The following NIPSNAP1 variants were observed in gnomAD, a reference collection of about 807,000 sequenced individuals.
The protein encoded by NIPSNAP1 is nipsnap homolog 1.
A neutral mutation model predicts 49.2 loss-of-function variants in NIPSNAP1; 25 were observed. The ratio of observed to expected loss-of-function variants is 0.51; its 90% confidence interval spans 0.37 to 0.71. NIPSNAP1 has a LOEUF of 0.71. NIPSNAP1 is among the 30% of genes least tolerant of loss of function. NIPSNAP1 has a pLI of 0.00. For missense variants in NIPSNAP1, 294 were observed against 361.0 expected (o/e 0.81, Z 1.50); for synonymous variants, 143 against 140.7 (o/e 1.02, Z -0.12).
Position 29,555,839 on chromosome 22 carries a change from G to A in NIPSNAP1, c.*96C>T, listed in dbSNP as rs560915063. The stretch of plus-strand genomic sequence containing the variant: ...AGCACTGCCCCTCAGAGTCCTCCCA[G>A]AGCCAAGACAAAACCAAGACAGCAG... On this transcript the variant is annotated 3_prime_UTR_variant, in exon 10 of 10. Coordinates refer to ENST00000216121, the MANE Select transcript of NIPSNAP1 (RefSeq NM_003634.4). The A allele has an allele frequency of 1.9e-5, 22 of 1,160,614 alleles. No homozygotes were observed. The South Asian group carries it at 2.4e-4, about 13-fold the overall frequency. 71.9% of individuals were successfully genotyped at this position (1,160,614 alleles called of 1,614,324 possible).
Position 29,560,844 on chromosome 22 carries a change from T to C in NIPSNAP1, c.612-16A>G. The C allele has an allele frequency of 6.2e-7, 1 of 1,611,620 alleles. No individual in the cohort carries two copies. The highest frequency in any genetic ancestry group is 8.5e-7 in the Non-Finnish European group (1 of 1,178,000). ...GGCCCGAGCCCTGGAGAAGGCACAA[T>C]AATATGGGGCAGAAGCCAGGGCTGG... is the stretch of plus-strand genomic sequence containing the variant. On this transcript the variant is annotated splice_polypyrimidine_tract_variant and intron_variant, in intron 7 of 9. Coordinates refer to ENST00000216121, the MANE Select transcript of NIPSNAP1 (RefSeq NM_003634.4).
intron 1 of NIPSNAP1, among the ~76,000 whole-genome samples, chr22:29,578,858 C>T (rs1363484781): frequency 6.6e-6 from 1 of 151,022 alleles, no homozygotes. Context: ...TGGGTGTTTG[C>T]CACACAAATG....
At chr22:29,560,991 G>T (rs1264434902) in intron 7 of NIPSNAP1, among the ~76,000 whole-genome samples, 163 bp from the exon 8 acceptor site, 2 of 152,174 alleles carry the variant, frequency 1.3e-5, no homozygotes, top group Non-Finnish European at 2.9e-5. Flanking sequence ...CAACGGAGGG[G>T]TCACAACCTT....
intron 4 of NIPSNAP1, chr22:29,564,109 G>A: frequency 3.5e-6 from 1 of 287,998 alleles, no homozygotes; most frequent in Non-Finnish European, 6.8e-6. Flanking sequence ...GAGCATGGCT[G>A]GGCCCATCAG....
At chr22:29,570,350 C>T (rs2064398964) in intron 2 of NIPSNAP1, 55 bp downstream of exon 2, 1 of 1,613,218 alleles carries the variant, frequency 6.2e-7, no homozygotes, top group Non-Finnish European at 8.5e-7. Flanking sequence ...TGGAGCCTCA[C>T]AGGCCCCCAG....
chr22:29,555,669 C>T lies in NIPSNAP1; in HGVS notation c.*266G>A. ...AGGAATTTTAGAAGATAAATGAAGG[C>T]CTAAAAGATCACTATCTTTCATTCA... On this transcript the variant is annotated 3_prime_UTR_variant, in exon 10 of 10. Coordinates refer to ENST00000216121, the MANE Select transcript of NIPSNAP1 (RefSeq NM_003634.4). The T allele has an allele frequency of 2.0e-6, 1 of 490,952 alleles. No homozygotes were observed. Among genetic ancestry groups the T allele is most frequent in the Non-Finnish European group, 3.7e-6 (1 of 267,696 alleles). The allele number at this position is 490,952 out of a possible 1,614,324, so 30.4% of individuals were successfully genotyped here.
At chr22:29,574,261 C>CA (rs1158442759) in intron 1 of NIPSNAP1, among the ~76,000 whole-genome samples, 4,508 of 36,508 alleles carry the variant, frequency 0.12, 906 homozygotes, top group South Asian at 0.23. Flanking sequence ...TCCATCTTCA[C>CA]AAAAAAAAAA....
chr22:29,556,875 G>A (rs953897641), intron 9 of NIPSNAP1, among the ~76,000 whole-genome samples: 15 of 151,924 alleles, frequency 9.9e-5, no homozygotes, highest in Admixed American at 2.6e-4. Flanking sequence ...TCAGCCTCCC[G>A]AGTAGCTGGG....
intron 6 of NIPSNAP1, 60 bp downstream of exon 6, chr22:29,561,446 C>T: frequency 6.2e-7 from 1 of 1,610,868 alleles, no homozygotes; most frequent in Non-Finnish European, 8.5e-7. Flanking sequence ...GGGGCAGCTG[C>T]AAAGCAGCAT....
In NIPSNAP1 at chr22:29,558,932, C is replaced by A. The variant is rs761600779; in HGVS notation, c.728G>T (p.Arg243Leu). The change falls in exon 9 of 10, where the codon CGG becomes CTG. Residue 243 changes from arginine (R) to leucine (L), a missense_variant. Arg to Leu is a moderately radical substitution (Grantham distance 102). This residue lies in a region of NIPSNAP1 where 146 missense variants were observed against 219.9 expected (regional missense o/e 0.66). Coordinates refer to ENST00000216121, the MANE Select transcript of NIPSNAP1 (RefSeq NM_003634.4). Reference protein sequence around the residue: ...HLWAYKDLQSREETRNAAWRK... With the variant: ...HLWAYKDLQSLEETRNAAWRK... ...CCAGGCAGCGTTTCGAGTCTCCTCCCGAGACTGCAGGTCTTTATAGGCTGT... is the reference window on the plus strand; with the variant it reads ...CCAGGCAGCGTTTCGAGTCTCCTCCAGAGACTGCAGGTCTTTATAGGCTGT... 6.2e-7 allele frequency: 1 copy of A among 1,613,602 alleles called. No homozygotes were observed. Among genetic ancestry groups the A allele is most frequent in the Non-Finnish European group, 8.5e-7 (1 of 1,179,696 alleles).
intron 4 of NIPSNAP1, among the ~76,000 whole-genome samples, chr22:29,565,741 CAGG>C (rs951386580): frequency 6.6e-6 from 1 of 151,796 alleles, no homozygotes; most frequent in African/African-American, 2.4e-5. Context: ...CCCAGCTACT[CAGG>C]AGGATTGCCC....
intron 1 of NIPSNAP1, among the ~76,000 whole-genome samples, chr22:29,574,269 A>AAAAAAAAAAAAAAAAAAAAAAAAG: frequency 1.4e-5 from 2 of 140,224 alleles, no homozygotes; most frequent in Admixed American, 7.2e-5. Flanking sequence ...CACAAAAAAA[A>AAAAAAAAAAAAAAAAAAAAAAAAG]AAAAAAAAAA....
intron 1 of NIPSNAP1, among the ~76,000 whole-genome samples, chr22:29,578,333 G>A (rs1289522580): frequency 1.3e-5 from 2 of 151,190 alleles, no homozygotes; most frequent in Non-Finnish European, 2.9e-5. Flanking sequence ...ACTGTGCCTG[G>A]CCAAATTTTT....
rs55772657 is a variant in NIPSNAP1 at position 29,575,710 on chromosome 22, G to GT, written c.99-5179dup. Among the ~76,000 whole-genome samples, 298 of 146,706 alleles carry GT rather than the reference G, an allele frequency of 2.0e-3. 2 individuals carry two copies. Among genetic ancestry groups the GT allele is most frequent in the African/African-American group, 4.4e-3 (176 of 39,986 alleles). On this transcript the variant is annotated intron_variant, in intron 1 of 9. Transcript: ENST00000216121. ...GAAGGATTGCTTGAACCCAGGAGTT[G>GT]TTTTTTTTTTTTTGTTTTGTTTGAG...
intron 1 of NIPSNAP1, among the ~76,000 whole-genome samples, chr22:29,574,261 C>CAAAAAAAAA (rs1158442759): frequency 5.7e-4 from 21 of 36,644 alleles, no homozygotes; most frequent in East Asian, 3.1e-3. Context: ...TCCATCTTCA[C>CAAAAAAAAA]AAAAAAAAAA....
rs571601840 is a variant in NIPSNAP1 at position 29,555,998 on chromosome 22, G to A, written c.792C>T (p.Val264=). The A allele has an allele frequency of 4.5e-5, 70 of 1,549,052 alleles. No individual in the cohort carries two copies. Among genetic ancestry groups the A allele is most frequent in the Non-Finnish European group, 5.6e-5 (64 of 1,145,896 alleles). Residue 264 remains valine, a splice_region_variant and synonymous_variant, in exon 10 of 10, where the codon GTC becomes GTT. Coordinates refer to ENST00000216121, the MANE Select transcript of NIPSNAP1 (RefSeq NM_003634.4). ...RGWDENVYYT[V]PLVRHMESRI... is the part of the protein sequence containing the mutation. ...TAGACTCCATGTGTCGCACCAGGGG[G>A]ACTGCGGAGAGAGAAGGCAGAGGTC...
rs1369558949 is a variant in NIPSNAP1 at position 29,577,513 on chromosome 22, G to A, written c.98+3472C>T. Among the ~76,000 whole-genome samples the A allele has an allele frequency of 2.7e-5, 4 of 148,480 alleles. 1 individual carries two copies. The highest frequency in any genetic ancestry group is 1.0e-4 in the African/African-American group (4 of 39,310). On this transcript the variant is annotated intron_variant, in intron 1 of 9. Coordinates refer to ENST00000216121, the MANE Select transcript of NIPSNAP1 (RefSeq NM_003634.4). The stretch of plus-strand genomic sequence containing the variant: ...CAGCTCACTGCAACCTCCGCCCCCT[G>A]GGTTCAAGTGATTCTCCTGTCTCAG...
chr22:29,576,788 G>A lies in NIPSNAP1; in HGVS notation c.98+4197C>T, dbSNP rs151333799. On this transcript the variant is annotated intron_variant, in intron 1 of 9. Coordinates refer to ENST00000216121, the MANE Select transcript of NIPSNAP1 (RefSeq NM_003634.4). ...AAAATACAAAAAATTAGCTGGGTGC[G>A]GTGGCAGGCGCCTGTAATCCCAGCT... is the stretch of plus-strand genomic sequence containing the variant. Among the ~76,000 whole-genome samples the A allele has an allele frequency of 8.7e-4, 131 of 151,298 alleles. No individual in the cohort carries two copies. The East Asian group carries it at 0.023, about 27-fold the overall frequency.
intron 9 of NIPSNAP1, 124 bp from the exon 10 acceptor site, chr22:29,556,123 T>C (rs765611230): frequency 3.5e-5 from 27 of 760,570 alleles, no homozygotes; most frequent in Admixed American, 1.7e-4. Context: ...GCGACAGGAA[T>C]GTCCCATTGC....
Sources: gnomAD v4.1 joint callset for allele counts (sites outside exome capture counted in the v4.1 genomes callset) on GRCh38, gnomAD v4.1.1 for gene constraint, gnomAD v4.1.1 regional missense constraint, MANE v1.5 for transcripts, NCBI Gene and HGNC (gene_info 2026-07-23, HGNC 2026-07-21) for gene names.